The following GNG7 variants were observed in gnomAD, a reference collection of about 807,000 sequenced individuals.
GNG7 encodes G protein subunit gamma 7, also known as guanine nucleotide-binding protein G(I)/G(S)/G(O) subunit gamma-7.
Under a neutral mutation model 4.0 loss-of-function variants are expected in GNG7, and 1 was observed. The ratio of observed to expected loss-of-function variants is 0.25; its 90% CI spans 0.09 to 1.18. The LOEUF is 1.18. Among genes scored for constraint, GNG7 ranks in the 50% most tolerant of loss-of-function variants. The probability of loss-of-function intolerance (pLI) is 0.50; values close to 1 mark genes in which losing one functional copy is unlikely to be tolerated. For missense variants in GNG7, 86 were observed against 91.9 expected, an observed-to-expected ratio of 0.94 and a Z score of 0.26; for synonymous variants, 34 against 36.9, an observed-to-expected ratio of 0.92 and a Z score of 0.29.
intron 1 of GNG7, among the ~76,000 whole-genome samples, chr19:2,662,212 A>T (rs1459982347): frequency 7.1e-6 from 1 of 141,430 alleles, no homozygotes; most frequent in Non-Finnish European, 1.5e-5. Flanking sequence ...GTGAGCAGAG[A>T]TTGCACCATT....
intron 2 of GNG7, among the ~76,000 whole-genome samples, chr19:2,561,644 G>A (rs1043629422): frequency 6.6e-6 from 1 of 151,782 alleles, no homozygotes; most frequent in African/African-American, 2.4e-5. Context: ...TTGGGAGGCC[G>A]AGGCGGGTGG....
intron 1 of GNG7, among the ~76,000 whole-genome samples, chr19:2,671,538 G>A (rs533459639): frequency 3.9e-5 from 6 of 152,166 alleles, no homozygotes; most frequent in South Asian, 2.1e-4. Context: ...GGGAACGTTC[G>A]TCCTGGCTGA....
At chr19:2,599,325 A>G (rs989318296) in intron 2 of GNG7, among the ~76,000 whole-genome samples, 1 of 152,056 alleles carries the variant, frequency 6.6e-6, no homozygotes, top group African/African-American at 2.4e-5. Flanking sequence ...AATAAATACT[A>G]GGAGGGCCCA....
rs35639922 is a variant in GNG7 at position 2,525,971 on chromosome 19, A to ATTTTTTTTTTTTTTTTTTTTT, written c.-37-5247_-37-5246insAAAAAAAAAAAAAAAAAAAAA. 6.7e-3 allele frequency among the ~76,000 whole-genome samples: 506 copies of ATTTTTTTTTTTTTTTTTTTTT among 75,622 alleles called. 106 individuals are homozygous for ATTTTTTTTTTTTTTTTTTTTT. The highest frequency in any genetic ancestry group is 7.5e-3 in the Non-Finnish European group (324 of 43,488). 49.6% of individuals were successfully genotyped at this position (75,622 alleles called of 152,430 possible). A position where few individuals can be genotyped will look rare whatever the true frequency, so the allele number is the denominator to read the frequency against. On this transcript the variant is annotated intron_variant, in intron 3 of 4. Coordinates refer to ENST00000382159, the MANE Select transcript of GNG7 (RefSeq NM_052847.3). ...ATTACAGGTGCCTGCCTCCACGCCA[A>ATTTTTTTTTTTTTTTTTTTTT]TTTTTTTTTTTTTTTTTGAGACAGA...
chr19:2,564,668 G>A (rs1372840843), intron 2 of GNG7, among the ~76,000 whole-genome samples: 3 of 152,012 alleles, frequency 2.0e-5, no homozygotes, highest in Admixed American at 6.6e-5. Context: ...GGGGTGACAC[G>A]GCCACAAGCC....
At chr19:2,608,227 G>A (rs550100569) in intron 2 of GNG7, among the ~76,000 whole-genome samples, 8 of 152,144 alleles carry the variant, frequency 5.3e-5, no homozygotes, top group Non-Finnish European at 7.4e-5. Flanking sequence ...TGGAGGAAAA[G>A]AGCGGGGATG....
intron 2 of GNG7, among the ~76,000 whole-genome samples, chr19:2,613,673 G>A (rs1335277672): frequency 1.3e-5 from 2 of 152,192 alleles, no homozygotes; most frequent in Non-Finnish European, 2.9e-5. Context: ...GCCCCCAGGG[G>A]ACACTGGGCA....
chr19:2,632,310 T>G (rs1982179348), intron 2 of GNG7, among the ~76,000 whole-genome samples: 2 of 151,616 alleles, frequency 1.3e-5, no homozygotes, highest in South Asian at 4.2e-4. Flanking sequence ...GCACCTGTAA[T>G]CCCAGCTACT....
intron 2 of GNG7, among the ~76,000 whole-genome samples, chr19:2,627,024 G>A (rs1982038156): frequency 6.6e-6 from 1 of 152,142 alleles, no homozygotes. Context: ...ATAAACCCGG[G>A]AGCCCCAGCT....
intron 1 of GNG7, among the ~76,000 whole-genome samples, chr19:2,680,127 A>G (rs917814466): frequency 3.3e-5 from 5 of 150,310 alleles, no homozygotes; most frequent in African/African-American, 1.2e-4. Flanking sequence ...CCTGGGCATC[A>G]TAGTAAGACC....
chr19:2,515,203 C>A, intron 4 of GNG7, 56 bp from the exon 5 acceptor site: 1 of 1,606,218 alleles, frequency 6.2e-7, no homozygotes, highest in Admixed American at 1.7e-5. Context: ...CTGGCACACC[C>A]GGGTTCACAG....
chr19:2,645,395 C>T (rs947322343), intron 2 of GNG7, among the ~76,000 whole-genome samples: 3 of 151,840 alleles, frequency 2.0e-5, no homozygotes, highest in Non-Finnish European at 2.9e-5. Context: ...CCTGCCACCA[C>T]GCCTGGCTGA....
chr19:2,661,615 G>A (rs959133848), intron 1 of GNG7, among the ~76,000 whole-genome samples: 1 of 149,198 alleles, frequency 6.7e-6, no homozygotes, highest in Non-Finnish European at 1.5e-5. Context: ...AGAGGTTGCA[G>A]TGAGCCAAGA....
At chr19:2,603,564 T>C (rs2144814482) in intron 2 of GNG7, among the ~76,000 whole-genome samples, 1 of 152,316 alleles carries the variant, frequency 6.6e-6, no homozygotes, top group East Asian at 1.9e-4. Context: ...ATCAGGGCTG[T>C]GTATTCACAG....
intron 4 of GNG7, 30 bp from the exon 5 acceptor site, chr19:2,515,177 G>C (rs562927550): frequency 1.2e-6 from 2 of 1,612,370 alleles, no homozygotes; most frequent in African/African-American, 2.7e-5. Context: ...GGAGACAGAG[G>C]AGACATAAGA....
At chr19:2,695,441 C>T (rs912846277) in intron 1 of GNG7, among the ~76,000 whole-genome samples, 2 of 152,184 alleles carry the variant, frequency 1.3e-5, no homozygotes, top group East Asian at 1.9e-4. Context: ...GCCTCATTCA[C>T]GTGGTGCTCC....
At chr19:2,664,454 G>A (rs1158728005) in intron 1 of GNG7, among the ~76,000 whole-genome samples, 1 of 152,174 alleles carries the variant, frequency 6.6e-6, no homozygotes, top group South Asian at 2.1e-4. Context: ...ACTGATGACG[G>A]CCAGGCCGGG....
rs183183675 is a variant in GNG7 at position 2,682,950 on chromosome 19, C to T, written c.-135+19696G>A. On this transcript the variant is annotated intron_variant, in intron 1 of 4. Transcript: ENST00000382159. Reference sequence around the variant, plus strand: ...CCTGGGCTCACTGAATAAGGACTCCCGGCAGGACACGGTGGCTCACGCCTG... The same window carrying T: ...CCTGGGCTCACTGAATAAGGACTCCTGGCAGGACACGGTGGCTCACGCCTG... Among the ~76,000 whole-genome samples, 1,405 of 151,668 alleles carry T rather than the reference C, an allele frequency of 9.3e-3. 22 individuals carry two copies. The highest frequency in any genetic ancestry group is 0.032 in the African/African-American group (1,337 of 41,382).
At chr19:2,592,292 CTT>C (rs1486766482) in intron 2 of GNG7, among the ~76,000 whole-genome samples, 3 of 152,062 alleles carry the variant, frequency 2.0e-5, no homozygotes, top group East Asian at 1.9e-4. Context: ...AAAAACAACT[CTT>C]AACATTTTTC....
Sources: allele counts gnomAD v4.1 joint callset (sites outside exome capture counted in the v4.1 genomes callset), GRCh38; gene constraint gnomAD v4.1.1; transcripts MANE v1.5; gene names NCBI Gene and HGNC (gene_info 2026-07-23, HGNC 2026-07-21).